MACROD2: variants seen among roughly 807,000 people sequenced by gnomAD.
MACROD2 encodes mono-ADP ribosylhydrolase 2, also known as ADP-ribose glycohydrolase MACROD2.
MACROD2 carries 36 observed loss-of-function variants against 70.4 expected under a neutral mutation model. The ratio of observed to expected loss-of-function variants is 0.51; its 90% CI spans 0.39 to 0.68. The LOEUF is 0.68. Ranked by LOEUF, MACROD2 falls within the 30% of genes least tolerant of loss-of-function variation. MACROD2 has a pLI of 0.00. For synonymous variants in MACROD2, 172 were observed against 178.8 expected (o/e 0.96, Z 0.30); for missense variants, 496 against 538.4 (o/e 0.92, Z 0.78).
At chr20:15,767,549 A>T (rs954381596) in intron 8 of MACROD2, among the ~76,000 whole-genome samples, 1 of 152,196 alleles carries the variant, frequency 6.6e-6, no homozygotes, top group African/African-American at 2.4e-5. Flanking sequence ...ATGGCAAAGA[A>T]TTCTCCACCT....
At chr20:15,455,450 C>A (rs1379913995) in intron 7 of MACROD2, among the ~76,000 whole-genome samples, 2 of 152,108 alleles carry the variant, frequency 1.3e-5, no homozygotes, top group Non-Finnish European at 2.9e-5. Context: ...ATCTGAGCAA[C>A]CCAGAACATT....
intron 5 of MACROD2, among the ~76,000 whole-genome samples, chr20:14,978,849 TTA>T (rs975670183): frequency 8.3e-5 from 12 of 145,364 alleles, no homozygotes; most frequent in Non-Finnish European, 1.2e-4. Context: ...GAGGGTATTA[TTA>T]TATATATATA....
chr20:15,298,040 G>T (rs1298771906), intron 6 of MACROD2, among the ~76,000 whole-genome samples: 1 of 152,246 alleles, frequency 6.6e-6, no homozygotes, highest in Middle Eastern at 3.4e-3. Context: ...CATGACAAGT[G>T]GGGGCCAGAT....
At chr20:14,349,550 A>G (rs2083099673) in intron 3 of MACROD2, among the ~76,000 whole-genome samples, 1 of 134,476 alleles carries the variant, frequency 7.4e-6, no homozygotes, top group South Asian at 2.2e-4. Context: ...ATTATATATT[A>G]TATATTAACA....
At chr20:15,463,190 A>C (rs1600448483) in intron 7 of MACROD2, among the ~76,000 whole-genome samples, 1 of 152,182 alleles carries the variant, frequency 6.6e-6, no homozygotes, top group East Asian at 1.9e-4. Context: ...ATTACACTAC[A>C]TTCCATGTGT....
In MACROD2 at chr20:15,927,415, C is replaced by T. The variant is rs77071538; in HGVS notation, c.776-5861C>T. ...TCTGCAAGGCAAGAAAGAGAGACTC[C>T]AGGATTTGGCATGATCTGGACCTGT... is the stretch of plus-strand genomic sequence containing the variant. On this transcript the variant is annotated intron_variant, in intron 10 of 17. Coordinates refer to ENST00000684519, the MANE Select transcript of MACROD2 (RefSeq NM_001351661.2). 4.1e-4 allele frequency among the ~76,000 whole-genome samples: 63 copies of T among 152,238 alleles called. No homozygotes were observed. The East Asian group carries it at 0.012, about 29-fold the overall frequency.
intron 5 of MACROD2, among the ~76,000 whole-genome samples, chr20:14,831,731 G>T (rs1482049408): frequency 5.9e-5 from 7 of 119,624 alleles, no homozygotes; most frequent in Admixed American, 1.2e-4. Context: ...AGTGAGCTGA[G>T]ATCGCGCCAC....
intron 5 of MACROD2, among the ~76,000 whole-genome samples, chr20:14,835,848 C>T (rs1189574251): frequency 6.6e-6 from 1 of 151,974 alleles, no homozygotes; most frequent in Non-Finnish European, 1.5e-5. Flanking sequence ...CCTTAGTATC[C>T]ATTAGGGCTA....
At chr20:14,490,013 C>T (rs441540) in intron 3 of MACROD2, among the ~76,000 whole-genome samples, 124,581 of 152,080 alleles carry the variant, frequency 0.82, 51,432 homozygotes, top group East Asian at 1. Context: ...AGTTACCTCT[C>T]CCAGCATTTT....
chr20:15,735,079 G>A (rs576629182), intron 8 of MACROD2, among the ~76,000 whole-genome samples: 1 of 152,212 alleles, frequency 6.6e-6, no homozygotes, highest in African/African-American at 2.4e-5. Flanking sequence ...TCCTGCCTCA[G>A]CCTCCCAAGT....
intron 5 of MACROD2, among the ~76,000 whole-genome samples, chr20:14,901,654 G>T (rs2073895911): frequency 6.6e-6 from 1 of 151,956 alleles, no homozygotes; most frequent in Admixed American, 6.5e-5. Context: ...AATTACCTTT[G>T]CATTTTAAAA....
intron 6 of MACROD2, among the ~76,000 whole-genome samples, chr20:15,416,143 T>C (rs950349902): frequency 6.6e-6 from 1 of 152,198 alleles, no homozygotes; most frequent in African/African-American, 2.4e-5. Context: ...CTTGTTCTTT[T>C]TGCTCATTTC....
chr20:15,393,783 T>C (rs1461590064), intron 6 of MACROD2, among the ~76,000 whole-genome samples: 1 of 152,184 alleles, frequency 6.6e-6, no homozygotes, highest in African/African-American at 2.4e-5. Context: ...TTTGGAACCA[T>C]CCACCTTCTA....
intron 3 of MACROD2, among the ~76,000 whole-genome samples, chr20:14,400,646 G>A (rs2083627991): frequency 6.6e-6 from 1 of 152,120 alleles, no homozygotes; most frequent in Non-Finnish European, 1.5e-5. Context: ...TGTGGAAAAT[G>A]TCTCCGGGCA....
chr20:15,403,111 C>A (rs1386020350), intron 6 of MACROD2, among the ~76,000 whole-genome samples: 2 of 151,966 alleles, frequency 1.3e-5, no homozygotes, highest in African/African-American at 4.8e-5. Flanking sequence ...GGATTATAGG[C>A]ACCTGCTACC....
intron 7 of MACROD2, among the ~76,000 whole-genome samples, chr20:15,483,981 T>A (rs1241001465): frequency 6.6e-6 from 1 of 152,032 alleles, no homozygotes; most frequent in Non-Finnish European, 1.5e-5. Context: ...ATTTCCTACA[T>A]AGACAATCAT....
Position 15,659,576 on chromosome 20 carries a change from T to C in MACROD2, c.645+159729T>C, listed in dbSNP as rs1008393118. ...CCTCCTGCTTCTCCTGCAGTTATTATCTGGTAATGTCTGGAGATATTTTTG... is the reference window on the plus strand; with the variant it reads ...CCTCCTGCTTCTCCTGCAGTTATTACCTGGTAATGTCTGGAGATATTTTTG... On this transcript the variant is annotated intron_variant, in intron 8 of 17. Coordinates refer to ENST00000684519, the MANE Select transcript of MACROD2 (RefSeq NM_001351661.2). 4.6e-5 allele frequency among the ~76,000 whole-genome samples: 7 copies of C among 152,156 alleles called. No homozygotes were observed. The South Asian group carries it at 1.3e-3, about 27-fold the overall frequency.
At chr20:14,565,758 A>G (rs564652664) in intron 4 of MACROD2, among the ~76,000 whole-genome samples, 25 of 151,716 alleles carry the variant, frequency 1.6e-4, no homozygotes, top group Admixed American at 5.3e-4. Flanking sequence ...CTCTCCTCCT[A>G]CTCTAAGTCC....
At chr20:14,882,843 A>T (rs1289399250) in intron 5 of MACROD2, among the ~76,000 whole-genome samples, 1 of 152,154 alleles carries the variant, frequency 6.6e-6, no homozygotes, top group Admixed American at 6.5e-5. Flanking sequence ...TCTTGGAACT[A>T]TATTCAAGAA....
Sources: gnomAD v4.1 joint callset for allele counts (sites outside exome capture counted in the v4.1 genomes callset) on GRCh38, gnomAD v4.1.1 for gene constraint, MANE v1.5 for transcripts, NCBI Gene and HGNC (gene_info 2026-07-23, HGNC 2026-07-21) for gene names.